NDUFA1: variants seen among roughly 807,000 people sequenced by gnomAD.
NDUFA1 encodes the protein NADH dehydrogenase [ubiquinone] 1 alpha subcomplex subunit 1.
For missense variants in NDUFA1, 42 were observed against 56.0 expected (o/e 0.75, Z 0.80); for synonymous variants, 21 against 20.0 (o/e 1.05, Z -0.14).
intron 1 of NDUFA1, among the ~76,000 whole-genome samples, chrX:119,873,069 AG>A: frequency 1.9e-5 from 2 of 106,230 alleles, no homozygotes; most frequent in South Asian, 4.2e-4. Context: ...TTAAAAAAAA[AG>A]GAAAAAAAAT....
Position 119,872,586 on chromosome X carries a change from C to T in NDUFA1, c.102+573C>T, listed in dbSNP as rs2056418542. ...GAGCCGAGATCGCGCCACTGCACTC[C>T]AGCCTGGGCAACAAGAGCGAAACTC... On this transcript the variant is annotated intron_variant, in intron 1 of 2. Coordinates refer to ENST00000371437, the MANE Select transcript of NDUFA1 (RefSeq NM_004541.4). Among the ~76,000 whole-genome samples, 3 of 110,385 alleles carry T rather than the reference C, an allele frequency of 2.7e-5. No individual in the cohort carries two copies. In the South Asian group the frequency reaches 1.2e-3, roughly 43 times the overall value.
chrX:119,876,638 C>T lies in NDUFA1; in HGVS notation c.*104C>T. 1.4e-6 allele frequency: 1 copy of T among 718,556 alleles called. No individual in the cohort carries two copies. Among genetic ancestry groups the T allele is most frequent in the Non-Finnish European group, 2.1e-6 (1 of 478,088 alleles). 59.2% of individuals were successfully genotyped at this position (718,556 alleles called of 1,213,427 possible). ...GTAGCATGCAATGTGTTATGTAGTG[C>T]TTAATAAAAATAAAATGAAAAAAAT... On this transcript the variant is annotated 3_prime_UTR_variant, in exon 3 of 3. Coordinates refer to ENST00000371437, the MANE Select transcript of NDUFA1 (RefSeq NM_004541.4).
Position 119,871,850 on chromosome X carries a change from C to T in NDUFA1, c.-62C>T, listed in dbSNP as rs971708238. On this transcript the variant is annotated 5_prime_UTR_variant, in exon 1 of 3. Transcript: ENST00000371437. Reference sequence around the variant, plus strand: ...CCGCGGGGCTTGCTGGGAAGAGAGGCGAAGCCAGGTCACCTTTCAAGGACC... The same window carrying T: ...CCGCGGGGCTTGCTGGGAAGAGAGGTGAAGCCAGGTCACCTTTCAAGGACC... 9 of 1,154,961 alleles carry T rather than the reference C, an allele frequency of 7.8e-6. No homozygotes were observed. The highest frequency in any genetic ancestry group is 3.5e-5 in the African/African-American group (2 of 56,584).
Position 119,873,258 on chromosome X carries a change from T to C in NDUFA1, c.103-46T>C. 3.0e-6 allele frequency: 3 copies of C among 996,609 alleles called. No individual in the cohort carries two copies. In the Admixed American group the frequency reaches 6.6e-5, roughly 22 times the overall value. The allele number at this position is 996,609 out of a possible 1,213,427, so 82.1% of individuals were successfully genotyped here. A position where few individuals can be genotyped will look rare whatever the true frequency, so the allele number is the denominator to read the frequency against. On this transcript the variant is annotated intron_variant, in intron 1 of 2. Transcript: ENST00000371437. The stretch of plus-strand genomic sequence containing the variant: ...AAAATTGTAGTATCTATCAATTGGG[T>C]CACTCACTTTTATAAACTGCAACAA...
At position 119,871,942 on chromosome X, in the gene NDUFA1, G is replaced by A. The variant is rs2056414202; in HGVS notation, c.31G>A (p.Val11Ile). Residue 11 changes from valine (V) to isoleucine (I), a missense_variant, in exon 1 of 3, where the codon GTC becomes ATC. Coordinates refer to ENST00000371437, the MANE Select transcript of NDUFA1 (RefSeq NM_004541.4). MWFEILPGLS[V>I]MGVCLLIPGL... ...GTTCGAGATTCTCCCCGGACTCTCC[G>A]TCATGGGCGTGTGCTTGTTGATTCC... 1 of 1,212,331 alleles carries A rather than the reference G, an allele frequency of 8.2e-7. No individual in the cohort carries two copies.
intron 1 of NDUFA1, 152 bp downstream of exon 1, chrX:119,872,165 C>T: frequency 3.7e-6 from 2 of 536,933 alleles, no homozygotes; most frequent in Non-Finnish European, 6.4e-6. Context: ...GAAACGAAGC[C>T]CGATAGAAAC....
intron 2 of NDUFA1, among the ~76,000 whole-genome samples, chrX:119,874,304 C>A (rs914859915): frequency 1.9e-3 from 204 of 105,910 alleles, no homozygotes; most frequent in Non-Finnish European, 3.0e-3. Flanking sequence ...AAAAAAACCA[C>A]CAAGCACCCA....
chrX:119,873,692 A>G (rs1265764605), intron 2 of NDUFA1, among the ~76,000 whole-genome samples: 3 of 110,292 alleles, frequency 2.7e-5, no homozygotes, highest in Admixed American at 2.0e-4. Flanking sequence ...TATTTTATAT[A>G]TGACATTTTT....
chrX:119,871,992 C>T lies in NDUFA1; in HGVS notation c.81C>T (p.His27=). The T allele has an allele frequency of 8.2e-7, 1 of 1,212,151 alleles. No homozygotes were observed. Among genetic ancestry groups the T allele is most frequent in the Non-Finnish European group, 1.1e-6 (1 of 895,299 alleles). The change falls in exon 1 of 3, where the codon CAC becomes CAT. Residue 27 remains histidine, a synonymous_variant. Coordinates refer to ENST00000371437, the MANE Select transcript of NDUFA1 (RefSeq NM_004541.4). ...LIPGLATAYI[H]RFTNGGKEKR... Reference sequence around the variant, plus strand: ...CAGGACTGGCTACTGCGTACATCCACAGGTTCACTAACGGGGGCAAGGTAA... The same window carrying T: ...CAGGACTGGCTACTGCGTACATCCATAGGTTCACTAACGGGGGCAAGGTAA...
chrX:119,875,282 T>C (rs1379646638), intron 2 of NDUFA1, among the ~76,000 whole-genome samples: 3 of 108,972 alleles, frequency 2.8e-5, no homozygotes, highest in Non-Finnish European at 3.8e-5. Flanking sequence ...GACTATGTTA[T>C]TTAATACCTA....
intron 1 of NDUFA1, among the ~76,000 whole-genome samples, chrX:119,872,709 G>A (rs750623383): frequency 9.9e-6 from 1 of 101,401 alleles, no homozygotes; most frequent in East Asian, 3.0e-4. Flanking sequence ...TTGTAGAGGC[G>A]GGGTTTCATC....
chrX:119,876,087 C>A (rs1380182737), intron 2 of NDUFA1, among the ~76,000 whole-genome samples: 1 of 110,356 alleles, frequency 9.1e-6, no homozygotes, highest in Non-Finnish European at 1.9e-5. Flanking sequence ...TGCCTTTAAT[C>A]CTAGCTACTT....
At chrX:119,874,642 C>T (rs755090969) in intron 2 of NDUFA1, among the ~76,000 whole-genome samples, 2 of 111,125 alleles carry the variant, frequency 1.8e-5, no homozygotes, top group Non-Finnish European at 3.8e-5. Flanking sequence ...CTGCAACCCC[C>T]GCCTCCCGGG....
rs140064980 is a variant in NDUFA1, at chrX:119,873,342, G to C, written c.141G>C (p.Leu47=). 3,846 of 1,208,740 alleles carry C rather than the reference G, an allele frequency of 3.2e-3. 5 individuals carry two copies. Among genetic ancestry groups the C allele is most frequent in the Non-Finnish European group, 3.7e-3 (3,325 of 894,693 alleles). ...RVAHFGYHWS[L]MERDRRISGV... ...CTCATTTTGGGTATCACTGGAGTCT[G>C]ATGGAAAGAGATAGGCGCATCTCTG... Residue 47 remains leucine, a synonymous_variant, in exon 2 of 3, where the codon CTG becomes CTC. Transcript: ENST00000371437.
intron 1 of NDUFA1, 90 bp downstream of exon 1, chrX:119,872,103 C>A: frequency 2.1e-6 from 2 of 937,270 alleles, no homozygotes; most frequent in Non-Finnish European, 3.1e-6. Flanking sequence ...CGAACCCTCT[C>A]TCCGAGGTCG....
chrX:119,871,898 G>A lies in NDUFA1; in HGVS notation c.-14G>A, dbSNP rs1017586786. On this transcript the variant is annotated 5_prime_UTR_variant, in exon 1 of 3. Coordinates refer to ENST00000371437, the MANE Select transcript of NDUFA1 (RefSeq NM_004541.4). ...ACCCAGAAGTAGGGTTTTGGCCTAG[G>A]TAACGGGGCAGAGATGTGGTTCGAG... 6.6e-6 allele frequency: 8 copies of A among 1,207,974 alleles called. No individual in the cohort carries two copies. Among genetic ancestry groups the A allele is most frequent in the Admixed American group, 2.2e-5 (1 of 46,048 alleles).
intron 1 of NDUFA1, among the ~76,000 whole-genome samples, chrX:119,873,062 A>ATTT (rs2056422265): frequency 9.7e-6 from 1 of 102,649 alleles, no homozygotes; most frequent in African/African-American, 3.6e-5. Context: ...TTTTTTTTTA[A>ATTT]AAAAAAAGGA....
At position 119,875,317 on chromosome X, in the gene NDUFA1, C is replaced by CTTTTTTTTTTTTTTTTTT. The variant is rs61235666; in HGVS notation, c.193-1189_193-1172dup. ...AGAAGAAGTGTCATCACTGATGAGT[C>CTTTTTTTTTTTTTTTTTT]TTTTTTTTTTTTTTTTTTTTTTTTT... On this transcript the variant is annotated intron_variant, in intron 2 of 2. Coordinates refer to ENST00000371437, the MANE Select transcript of NDUFA1 (RefSeq NM_004541.4). Among the ~76,000 whole-genome samples, 10 of 59,638 alleles carry CTTTTTTTTTTTTTTTTTT rather than the reference C, an allele frequency of 1.7e-4. 1 individual carries two copies. The highest frequency in any genetic ancestry group is 5.9e-4 in the African/African-American group (8 of 13,515). The allele number at this position is 59,638 out of a possible 115,157, so 51.8% of individuals were successfully genotyped here.
In NDUFA1 at chrX:119,873,462, G is replaced by T. The variant is rs183419706; in HGVS notation, c.192+69G>T. 437 of 827,264 alleles carry T rather than the reference G, an allele frequency of 5.3e-4. 1 individual carries two copies. The highest frequency in any genetic ancestry group is 3.8e-5 in the Non-Finnish European group (21 of 547,890). The allele number at this position is 827,264 out of a possible 1,213,427, so 68.2% of individuals were successfully genotyped here. On this transcript the variant is annotated intron_variant, in intron 2 of 2. Coordinates refer to ENST00000371437, the MANE Select transcript of NDUFA1 (RefSeq NM_004541.4). ...GGGTTCTGGTAATGCCTTGCCAAGG[G>T]TCATACAGTGCTAATATATAACTAG...
Sources: allele counts gnomAD v4.1 joint callset (sites outside exome capture counted in the v4.1 genomes callset), GRCh38; gene constraint gnomAD v4.1.1; transcripts MANE v1.5; gene names NCBI Gene and HGNC (gene_info 2026-07-23, HGNC 2026-07-21).